CDK13: variants seen among roughly 807,000 people sequenced by gnomAD.
The protein encoded by CDK13 is cyclin dependent kinase 13, also known as cyclin-dependent kinase 13.
In CDK13, 40 loss-of-function variants were observed where a neutral mutation model predicts 137.6. The observed-to-expected ratio is 0.29, with a 90% confidence interval of 0.23 to 0.38. CDK13 has a LOEUF of 0.38. CDK13 is among the 10% of genes least tolerant of loss of function. The pLI is 1.00. For synonymous variants in CDK13, 869 were observed against 760.1 expected (o/e 1.14, Z -2.36); for missense variants, 1,704 against 1,951.8 (o/e 0.87, Z 2.39).
At chr7:39,966,926 G>A (rs562894320) in intron 1 of CDK13, among the ~76,000 whole-genome samples, 5 of 152,084 alleles carry the variant, frequency 3.3e-5, no homozygotes, top group East Asian at 1.9e-4. Context: ...GCAGACCAGC[G>A]GATATTGTTG....
chr7:39,984,160 C>G (rs1784288851), intron 1 of CDK13: 1 of 152,238 alleles, frequency 6.6e-6, no homozygotes, highest in African/African-American at 2.4e-5. Flanking sequence ...GTGGCTCATG[C>G]CTGTAATCCC....
Position 40,003,192 on chromosome 7 carries a change from ACACACACACACACACTCT to A in CDK13, c.2353+1163_2353+1180del, listed in dbSNP as rs778186045. 1.3e-3 allele frequency among the ~76,000 whole-genome samples: 131 copies of A among 98,090 alleles called. 1 individual carries two copies. Among genetic ancestry groups the A allele is most frequent in the Admixed American group, 5.2e-3 (49 of 9,342 alleles). The allele number at this position is 98,090 out of a possible 152,430, so 64.4% of individuals were successfully genotyped here. A position where few individuals can be genotyped will look rare whatever the true frequency, so the allele number is the denominator to read the frequency against. ...CACACACACACACACACACACACACACACACACACACACACTCTCTCTCTCTCTCTCTCTTACTCTGTT... is the reference window on the plus strand; with the variant it reads ...CACACACACACACACACACACACACACTCTCTCTCTCTCTCTTACTCTGTT... On this transcript the variant is annotated intron_variant, in intron 5 of 13. Transcript: ENST00000181839.
At chr7:39,964,113 T>G (rs1434699251) in intron 1 of CDK13, among the ~76,000 whole-genome samples, 1 of 152,216 alleles carries the variant, frequency 6.6e-6, no homozygotes, top group Non-Finnish European at 1.5e-5. Flanking sequence ...GGCTTTGGTA[T>G]CAGGATGATG....
At chr7:40,039,882 T>C (rs1785567853) in intron 5 of CDK13, among the ~76,000 whole-genome samples, 1 of 152,188 alleles carries the variant, frequency 6.6e-6, no homozygotes, top group African/African-American at 2.4e-5. Context: ...TATTATTTCT[T>C]GGTATAAATT....
At chr7:40,022,163 G>A (rs1785141766) in intron 5 of CDK13, among the ~76,000 whole-genome samples, 1 of 152,162 alleles carries the variant, frequency 6.6e-6, no homozygotes, top group African/African-American at 2.4e-5. Context: ...TTTTCTTAGG[G>A]CCTCTTTTTG....
intron 5 of CDK13, among the ~76,000 whole-genome samples, chr7:40,008,757 G>A (rs1784841748): frequency 6.6e-6 from 1 of 151,996 alleles, no homozygotes. Flanking sequence ...GTAACAGTGC[G>A]GCTTCCAGCA....
intron 7 of CDK13, chr7:40,061,731 CCT>C (rs1786152666): frequency 6.6e-6 from 1 of 152,164 alleles, no homozygotes; most frequent in African/African-American, 2.4e-5. Flanking sequence ...CGAAGAACCT[CCT>C]CTGACTACTT....
intron 7 of CDK13, among the ~76,000 whole-genome samples, chr7:40,053,568 T>C (rs982699157): frequency 6.6e-6 from 1 of 152,212 alleles, no homozygotes; most frequent in Non-Finnish European, 1.5e-5. Context: ...TATGTAATTA[T>C]ACTTCTCACC....
At chr7:39,960,253 C>T (rs1787568619) in intron 1 of CDK13, among the ~76,000 whole-genome samples, 1 of 147,254 alleles carries the variant, frequency 6.8e-6, no homozygotes, top group African/African-American at 2.5e-5. Flanking sequence ...GAATCAAATA[C>T]TTTTTTTTTT....
intron 5 of CDK13, among the ~76,000 whole-genome samples, chr7:40,035,398 A>G (rs1006231618): frequency 6.6e-6 from 1 of 152,054 alleles, no homozygotes; most frequent in African/African-American, 2.4e-5. Context: ...GGTGAGTGGA[A>G]GGTGAGCGAG....
chr7:40,039,872 TATTATTTCTTGGTATAA>T (rs1785567677), intron 5 of CDK13, among the ~76,000 whole-genome samples: 2 of 152,218 alleles, frequency 1.3e-5, no homozygotes, highest in African/African-American at 4.8e-5. Context: ...TTGTCATATT[TATTATTTCTTGGTATAA>T]ATTATTTCTT....
intron 12 of CDK13, 99 bp downstream of exon 12, chr7:40,088,430 A>C: frequency 1.1e-6 from 1 of 950,002 alleles, no homozygotes; most frequent in Non-Finnish European, 1.6e-6. Context: ...CTAACAATGA[A>C]AATTAACATT....
intron 2 of CDK13, among the ~76,000 whole-genome samples, chr7:39,992,910 A>G (rs1359609287): frequency 6.6e-6 from 1 of 152,204 alleles, no homozygotes; most frequent in Non-Finnish European, 1.5e-5. Flanking sequence ...CTGTTGTTAC[A>G]GGAGGACCAA....
Position 39,997,564 on chromosome 7 carries a change from G to C in CDK13, c.1942G>C (p.Asp648His). The change falls in exon 3 of 14, where the codon GAT becomes CAT. Residue 648 changes from aspartate to histidine, a missense_variant. Physicochemically the swap from Asp to His is moderately conservative, Grantham distance 81. Around this residue, in one of 5 missense-constraint regions of CDK13, gnomAD observed 1,051 missense variants for 931.0 expected, o/e 1.13. Coordinates refer to ENST00000181839, the MANE Select transcript of CDK13 (RefSeq NM_003718.5). Reference protein sequence around the residue: ...VEKKLRCLLADLPLPPELPGG... With the variant: ...VEKKLRCLLAHLPLPPELPGG... ...AAAGAAACTCCGATGTCTTCTTGCT[G>C]ATTTACCGCTGCCCCCTGAGCTACC... is the stretch of plus-strand genomic sequence containing the variant. The C allele has an allele frequency of 1.2e-6, 2 of 1,605,474 alleles. No homozygotes were observed. The highest frequency in any genetic ancestry group is 1.7e-6 in the Non-Finnish European group (2 of 1,177,974).
chr7:40,025,157 A>C (rs1785218008), intron 5 of CDK13, among the ~76,000 whole-genome samples: 1 of 80 alleles, frequency 0.013, no homozygotes, highest in Admixed American at 0.17. Flanking sequence ...TCTCAGCTTA[A>C]GTATCTCTTC....
At chr7:39,981,385 T>C (rs941919035) in intron 1 of CDK13, among the ~76,000 whole-genome samples, 2 of 135,686 alleles carry the variant, frequency 1.5e-5, no homozygotes, top group South Asian at 4.7e-4. Context: ...AAAAAAAAAA[T>C]TATCTATTAA....
At chr7:40,034,660 C>T (rs1785446156) in intron 5 of CDK13, among the ~76,000 whole-genome samples, 1 of 152,100 alleles carries the variant, frequency 6.6e-6, no homozygotes, top group Non-Finnish European at 1.5e-5. Flanking sequence ...TATTTCTTTA[C>T]ATTTACTCTT....
chr7:40,018,460 G>C (rs1785048303), intron 5 of CDK13, among the ~76,000 whole-genome samples: 1 of 152,114 alleles, frequency 6.6e-6, no homozygotes, highest in Non-Finnish European at 1.5e-5. Flanking sequence ...GTGCATGTGT[G>C]TGTTTATTGC....
intron 5 of CDK13, among the ~76,000 whole-genome samples, chr7:40,002,821 T>G (rs951729922): frequency 6.6e-6 from 1 of 151,630 alleles, no homozygotes; most frequent in East Asian, 1.9e-4. Context: ...GCCAAACACT[T>G]TGGGAGTCCA....
Sources: gnomAD v4.1 joint callset for allele counts (sites outside exome capture counted in the v4.1 genomes callset) on GRCh38, gnomAD v4.1.1 for gene constraint, gnomAD v4.1.1 regional missense constraint, MANE v1.5 for transcripts, NCBI Gene and HGNC (gene_info 2026-07-23, HGNC 2026-07-21) for gene names.